The following FMNL1 variants were observed in gnomAD, a reference collection of about 807,000 sequenced individuals.
The protein encoded by FMNL1 is formin like 1.
Under a neutral mutation model 121.3 loss-of-function variants are expected in FMNL1, and 43 were observed. That is an observed-to-expected ratio of 0.35 (90% CI 0.28 to 0.46). FMNL1 has a LOEUF of 0.46. FMNL1 is among the 20% of genes least tolerant of loss of function. FMNL1 has a pLI of 1.00. For missense variants in FMNL1, 1,191 were observed against 1,482.4 expected (o/e 0.80, Z 3.23); for synonymous variants, 613 against 613.5 (o/e 1.00, Z 0.01).
chr17:45,233,139 G>A lies in FMNL1; in HGVS notation c.328-85G>A. On this transcript the variant is annotated intron_variant, in intron 3 of 26. Transcript: ENST00000331495. This position sits in a 1 kb window ranked among gnomAD's most constrained non-coding sequence, Gnocchi z 4.1. ...ACTTGTGCCAGTTGGAGGAGGGTGG[G>A]CGCTGCTGCCTGCTGCCTCAGGACT... 7.2e-7 allele frequency: 1 copy of A among 1,384,956 alleles called. No homozygotes were observed. Among genetic ancestry groups the A allele is most frequent in the South Asian group, 1.2e-5 (1 of 80,518 alleles). 85.8% of individuals were successfully genotyped at this position (1,384,956 alleles called of 1,614,324 possible). A position where few individuals can be genotyped will look rare whatever the true frequency, so the allele number is the denominator to read the frequency against.
Position 45,246,338 on chromosome 17 carries a change from C to T in FMNL1, c.3211+8C>T, listed in dbSNP as rs752187456. ...TTGAAGACATCATCACAGGTAAGGG[C>T]TTGGCCAGGCCTTGGTCTTATCCTC... On this transcript the variant is annotated splice_region_variant and intron_variant, in intron 25 of 26. Coordinates refer to ENST00000331495, the MANE Select transcript of FMNL1 (RefSeq NM_005892.4). 1.9e-5 allele frequency: 31 copies of T among 1,613,966 alleles called. No individual in the cohort carries two copies. Among genetic ancestry groups the T allele is most frequent in the Non-Finnish European group, 2.2e-5 (26 of 1,180,020 alleles).
intron 17 of FMNL1, 114 bp downstream of exon 17, chr17:45,243,434 AC>A (rs2043755234): frequency 8.0e-7 from 1 of 1,256,396 alleles, no homozygotes; most frequent in Admixed American, 2.4e-5. Flanking sequence ...CAGGCTTCAT[AC>A]CAACCCTGGT....
In FMNL1 at chr17:45,237,685, G is replaced by T; in HGVS notation, c.894+46G>T. The T allele has an allele frequency of 3.1e-6, 5 of 1,600,906 alleles. No homozygotes were observed. Among genetic ancestry groups the T allele is most frequent in the Non-Finnish European group, 4.3e-6 (5 of 1,168,838 alleles). Reference sequence around the variant, plus strand: ...AACATGCATTTCCCCCTATGGTGTTGCTTGGAGTCTTGTTGTTGGCAGTTG... The same window carrying T: ...AACATGCATTTCCCCCTATGGTGTTTCTTGGAGTCTTGTTGTTGGCAGTTG... On this transcript the variant is annotated intron_variant, in intron 9 of 26. Transcript: ENST00000331495. The surrounding 1 kb of genome is among the most constrained non-coding windows in gnomAD (Gnocchi z 4.4).
Position 45,246,558 on chromosome 17 carries a change from C to T in FMNL1, c.3265C>T (p.Leu1089Phe), listed in dbSNP as rs896139824. ...CACCGGCAAGCGGACATCCCGGCTC[C>T]TCTGTGAGGCCAGCCTGGGAGAAGA... ...ARTGKRTSRL[L>F]CEASLGEEMP... The change falls in exon 26 of 27, where the codon CTC (leucine) becomes TTC (phenylalanine). Residue 1089 changes from leucine (L) to phenylalanine (F), a missense_variant. Physicochemically the swap from Leu to Phe is conservative, Grantham distance 22. This residue lies in a region of FMNL1 where 367 missense variants were observed against 528.6 expected (regional missense o/e 0.69). Transcript: ENST00000331495. 7 of 1,612,790 alleles carry T rather than the reference C, an allele frequency of 4.3e-6. No homozygotes were observed. The highest frequency in any genetic ancestry group is 5.9e-6 in the Non-Finnish European group (7 of 1,178,996).
Position 45,242,072 on chromosome 17 carries a change from C to T in FMNL1, c.1811C>T (p.Pro604Leu), listed in dbSNP as rs1256048685. Residue 604 changes from proline to leucine, a missense_variant, in exon 15 of 27, where the codon CCG becomes CTG. Transcript: ENST00000331495. The stretch of plus-strand genomic sequence containing the variant: ...GGCACTGACGGGCCGGTGCCTCCGC[C>T]GCCGCCGCCGCCGCCGCCGCCTCCC... ...PPGTDGPVPPPPPPPPPPPGG... is the reference protein window; with the variant it reads ...PPGTDGPVPPLPPPPPPPPGG... The T allele has an allele frequency of 7.1e-7, 1 of 1,399,258 alleles. No homozygotes were observed. The highest frequency in any genetic ancestry group is 9.6e-7 in the Non-Finnish European group (1 of 1,046,248). The allele number at this position is 1,399,258 out of a possible 1,614,324, so 86.7% of individuals were successfully genotyped here.
At chr17:45,227,532 T>C (rs1350810439) in intron 1 of FMNL1, among the ~76,000 whole-genome samples, 1 of 152,166 alleles carries the variant, frequency 6.6e-6, no homozygotes, top group Non-Finnish European at 1.5e-5. Context: ...TCTTTCCTCA[T>C]CTGGCCCAAA....
intron 1 of FMNL1, among the ~76,000 whole-genome samples, chr17:45,223,889 C>T (rs1406326473): frequency 6.6e-6 from 1 of 152,174 alleles, no homozygotes; most frequent in Non-Finnish European, 1.5e-5. Flanking sequence ...GGGGAAAATC[C>T]ACAAGTCAAA....
At chr17:45,224,832 C>G (rs949592607) in intron 1 of FMNL1, among the ~76,000 whole-genome samples, 1 of 152,218 alleles carries the variant, frequency 6.6e-6, no homozygotes, top group African/African-American at 2.4e-5. Context: ...AGCAGAGGAG[C>G]GATGGCTGCC....
rs976822216 is a variant in FMNL1 at position 45,247,049 on chromosome 17, C to A, written c.*191C>A. On this transcript the variant is annotated 3_prime_UTR_variant, in exon 27 of 27. Transcript: ENST00000331495. ...GGCTCAAGGAAGGTGGTCCTCAGCTCGGCTGGCCGGGCAGCCCCTCCTCCG... is the reference window on the plus strand; with the variant it reads ...GGCTCAAGGAAGGTGGTCCTCAGCTAGGCTGGCCGGGCAGCCCCTCCTCCG... 1.7e-4 allele frequency: 110 copies of A among 636,002 alleles called. No homozygotes were observed. Among genetic ancestry groups the A allele is most frequent in the Middle Eastern group, 2.9e-4 (1 of 3,504 alleles). 39.4% of individuals were successfully genotyped at this position (636,002 alleles called of 1,614,324 possible). A position where few individuals can be genotyped will look rare whatever the true frequency, so the allele number is the denominator to read the frequency against.
Position 45,241,842 on chromosome 17 carries a change from C to A in FMNL1, c.1586-5C>A. The A allele has an allele frequency of 7.0e-7, 1 of 1,428,628 alleles. No individual in the cohort carries two copies. 88.5% of individuals were successfully genotyped at this position (1,428,628 alleles called of 1,614,324 possible). ...CTCCCCCACGCCGCGCCCTCGCTGG[C>A]TCAGATCTCGCACCTGCAGCAGAGC... On this transcript the variant is annotated splice_polypyrimidine_tract_variant and splice_region_variant and intron_variant, in intron 14 of 26. Coordinates refer to ENST00000331495, the MANE Select transcript of FMNL1 (RefSeq NM_005892.4). This position sits in a 1 kb window ranked among gnomAD's most constrained non-coding sequence, Gnocchi z 7.0.
Position 45,245,335 on chromosome 17 carries a change from T to C in FMNL1, c.2811T>C (p.Asp937=). The C allele has an allele frequency of 6.2e-7, 1 of 1,614,172 alleles. No homozygotes were observed. Among genetic ancestry groups the C allele is most frequent in the Non-Finnish European group, 8.5e-7 (1 of 1,180,020 alleles). The change falls in exon 22 of 27, where the codon GAT becomes GAC. Residue 937 remains aspartate (D), a synonymous_variant. Coordinates refer to ENST00000331495, the MANE Select transcript of FMNL1 (RefSeq NM_005892.4). ...ELTQREFVRQ[D]DCMVLKEFLR... is the part of the protein sequence containing the mutation. ...CACAGAGAGAGTTTGTGCGGCAGGA[T>C]GACTGCATGGTGCTCAAGGAGTTCC...
intron 12 of FMNL1, chr17:45,240,910 C>G (rs2043674573): frequency 1.4e-6 from 1 of 698,188 alleles, no homozygotes; most frequent in African/African-American, 1.8e-5. Flanking sequence ...CCAGCTCAGT[C>G]TCCTCCTCTC....
chr17:45,239,392 CT>C (rs902142714), intron 11 of FMNL1, among the ~76,000 whole-genome samples: 1 of 152,194 alleles, frequency 6.6e-6, no homozygotes, highest in African/African-American at 2.4e-5. Context: ...GAGCACCAGC[CT>C]CAGACAGGTG....
Position 45,237,658 on chromosome 17 carries a change from C to T in FMNL1, c.894+19C>T, listed in dbSNP as rs984616534. 5.0e-6 allele frequency: 8 copies of T among 1,612,084 alleles called. No homozygotes were observed. The highest frequency in any genetic ancestry group is 2.7e-5 in the African/African-American group (2 of 74,872). On this transcript the variant is annotated intron_variant, in intron 9 of 26. Coordinates refer to ENST00000331495, the MANE Select transcript of FMNL1 (RefSeq NM_005892.4). The surrounding 1 kb of genome is among the most constrained non-coding windows in gnomAD (Gnocchi z 4.4). ...CAAGGAGGTACCGGAGTCCCTCACC[C>T]AAACATGCATTTCCCCCTATGGTGT...
intron 17 of FMNL1, 66 bp downstream of exon 17, chr17:45,243,386 G>C (rs1455411570): frequency 3.2e-6 from 5 of 1,565,476 alleles, no homozygotes; most frequent in Non-Finnish European, 4.4e-6. Flanking sequence ...TTGTCAGGCA[G>C]ATCCTAGTAA....
rs775410415 is a variant in FMNL1, at chr17:45,243,245, A to G, written c.2138A>G (p.Asn713Ser). Residue 713 changes from asparagine (N) to serine (S), a missense_variant, in exon 17 of 27, where the codon AAC becomes AGC. Asn to Ser is a conservative substitution (Grantham distance 46, BLOSUM62 1). Around this residue, in one of 4 missense-constraint regions of FMNL1, gnomAD observed 367 missense variants for 528.6 expected, o/e 0.69. Transcript: ENST00000331495. ...AGCAAGGCGACACTCATTGAGGCCA[A>G]CCGGGCCAAGAACTTGGCCATCACC... ...APSKATLIEA[N>S]RAKNLAITLR... The G allele has an allele frequency of 3.7e-6, 6 of 1,614,118 alleles. No homozygotes were observed. The South Asian group carries it at 6.6e-5, about 18-fold the overall frequency.
rs2043681217 is a variant in FMNL1 at position 45,241,152 on chromosome 17, G to A, written c.1254G>A (p.Ala418=). The A allele has an allele frequency of 1.9e-6, 3 of 1,613,988 alleles. No individual in the cohort carries two copies. Among genetic ancestry groups the A allele is most frequent in the Admixed American group, 1.7e-5 (1 of 60,004 alleles). The change falls in exon 13 of 27, where the codon GCG becomes GCA. Residue 418 remains alanine, a synonymous_variant. Transcript: ENST00000331495. The surrounding 1 kb of genome is among the most constrained non-coding windows in gnomAD (Gnocchi z 7.0). ...AGCTGACAGAGCGGCTTCGGGACGC[G>A]GAGAACGAATCCATGGCCAAGATTG... is the stretch of plus-strand genomic sequence containing the variant. ...VALLTERLRD[A]ENESMAKIAE... is the part of the protein sequence containing the mutation.
In FMNL1 at chr17:45,230,413, C is replaced by T. The variant is rs73319098; in HGVS notation, c.130-191C>T. On this transcript the variant is annotated intron_variant, in intron 1 of 26. Coordinates refer to ENST00000331495, the MANE Select transcript of FMNL1 (RefSeq NM_005892.4). ...GCTCTCCCTTCTAGCTGGTGTGCCC[C>T]GGGAAAGGTGCTCTGTCTCTCTTGG... is the stretch of plus-strand genomic sequence containing the variant. Among the ~76,000 whole-genome samples the T allele has an allele frequency of 4.6e-3, 707 of 152,200 alleles. 4 individuals carry two copies. Among genetic ancestry groups the T allele is most frequent in the African/African-American group, 0.016 (656 of 41,526 alleles).
At chr17:45,226,288 T>C (rs935197502) in intron 1 of FMNL1, among the ~76,000 whole-genome samples, 1 of 152,194 alleles carries the variant, frequency 6.6e-6, no homozygotes, top group African/African-American at 2.4e-5. Flanking sequence ...AGGGGAGGCC[T>C]CCACTTCCCC....
Sources: gnomAD v4.1 joint callset for allele counts (sites outside exome capture counted in the v4.1 genomes callset) on GRCh38, gnomAD v4.1.1 for gene constraint, gnomAD v4.1.1 regional missense constraint, Gnocchi (gnomAD v3.1) non-coding constraint, MANE v1.5 for transcripts, NCBI Gene and HGNC (gene_info 2026-07-23, HGNC 2026-07-21) for gene names.